The following CCDC148 variants were observed in gnomAD, a reference collection of about 807,000 sequenced individuals.
CCDC148 encodes the protein coiled-coil domain-containing protein 148.
A neutral mutation model predicts 85.7 loss-of-function variants in CCDC148; 89 were observed. That is an observed-to-expected ratio of 1.04 (90% CI 0.87 to 1.24). The LOEUF (loss-of-function observed/expected upper bound fraction) is 1.24. CCDC148 is among the 50% of genes most tolerant of loss of function. The pLI is 0.00. For missense variants in CCDC148, 692 were observed against 671.7 expected, an observed-to-expected ratio of 1.03 and a Z score of -0.33; for synonymous variants, 230 against 213.9, an observed-to-expected ratio of 1.08 and a Z score of -0.66.
At chr2:158,434,308 C>G (rs1687528662) in intron 1 of CCDC148, among the ~76,000 whole-genome samples, 1 of 152,164 alleles carries the variant, frequency 6.6e-6, no homozygotes, top group African/African-American at 2.4e-5. Flanking sequence ...ATTTGTCATT[C>G]TGCAATATAT....
chr2:158,325,225 C>A (rs1190686240), intron 7 of CCDC148, among the ~76,000 whole-genome samples: 1 of 152,150 alleles, frequency 6.6e-6, no homozygotes, highest in Non-Finnish European at 1.5e-5. Flanking sequence ...TCTATTCCAT[C>A]AGGCATTTGC....
At chr2:158,373,648 T>C (rs1684540327) in intron 1 of CCDC148, among the ~76,000 whole-genome samples, 1 of 152,054 alleles carries the variant, frequency 6.6e-6, no homozygotes, top group South Asian at 2.1e-4. Context: ...TATGAGCTTA[T>C]TACAATGTTT....
At chr2:158,251,366 G>GA (rs1023836744) in intron 9 of CCDC148, among the ~76,000 whole-genome samples, 6 of 151,800 alleles carry the variant, frequency 4.0e-5, no homozygotes, top group African/African-American at 1.4e-4. Context: ...GAATTAAGAT[G>GA]AAAAATAATT....
Position 158,313,625 on chromosome 2 carries a change from C to A in CCDC148, c.903+131G>T, listed in dbSNP as rs1348522664. ...ACAGGCTTTCAAACTATTATATAAC[C>A]CTATTATTTTCTAGAGGGTAGGAAA... On this transcript the variant is annotated intron_variant, in intron 8 of 13. Transcript: ENST00000283233. 4 of 933,958 alleles carry A rather than the reference C, an allele frequency of 4.3e-6. No individual in the cohort carries two copies. In the East Asian group the frequency reaches 8.6e-5, roughly 20 times the overall value. 57.9% of individuals were successfully genotyped at this position (933,958 alleles called of 1,614,324 possible).
intron 1 of CCDC148, among the ~76,000 whole-genome samples, chr2:158,405,989 G>A (rs1055070000): frequency 6.6e-6 from 1 of 152,124 alleles, no homozygotes; most frequent in Admixed American, 6.6e-5. Flanking sequence ...AGTAGTTTCT[G>A]GATGGAAGAG....
At chr2:158,446,168 T>C (rs543469892) in intron 1 of CCDC148, among the ~76,000 whole-genome samples, 1 of 152,168 alleles carries the variant, frequency 6.6e-6, no homozygotes, top group South Asian at 2.1e-4. Flanking sequence ...GGCAACATAG[T>C]GAGACCCCAT....
At chr2:158,370,510 G>T (rs2105279105) in intron 1 of CCDC148, among the ~76,000 whole-genome samples, 1 of 152,034 alleles carries the variant, frequency 6.6e-6, no homozygotes, top group East Asian at 1.9e-4. Context: ...ATTTTCATAT[G>T]AAAGATCCCA....
At chr2:158,431,889 A>G (rs1687370255) in intron 1 of CCDC148, among the ~76,000 whole-genome samples, 1 of 152,112 alleles carries the variant, frequency 6.6e-6, no homozygotes, top group African/African-American at 2.4e-5. Context: ...ATGAGTCAAG[A>G]TTGTGCCACT....
intron 3 of CCDC148, 138 bp downstream of exon 3, chr2:158,345,072 TTTTAA>T (rs1682924703): frequency 1.8e-6 from 1 of 552,664 alleles, no homozygotes; most frequent in Admixed American, 3.5e-5. Context: ...AATGAAAGGA[TTTTAA>T]TTTGACTCAC....
At chr2:158,283,496 A>G (rs1690446284) in intron 9 of CCDC148, among the ~76,000 whole-genome samples, 1 of 152,270 alleles carries the variant, frequency 6.6e-6, no homozygotes, top group African/African-American at 2.4e-5. Flanking sequence ...AAAAGAAGAC[A>G]TTTATGCAGC....
At chr2:158,437,961 A>C (rs1370922035) in intron 1 of CCDC148, among the ~76,000 whole-genome samples, 2 of 152,210 alleles carry the variant, frequency 1.3e-5, no homozygotes, top group African/African-American at 2.4e-5. Flanking sequence ...ACCACTGCTC[A>C]ATGAAATAAA....
chr2:158,376,410 G>A (rs1684652088), intron 1 of CCDC148, among the ~76,000 whole-genome samples: 1 of 152,004 alleles, frequency 6.6e-6, no homozygotes, highest in Non-Finnish European at 1.5e-5. Flanking sequence ...TATGCAAGGA[G>A]TAATTTTCCT....
chr2:158,325,741 T>C (rs1343272741), intron 7 of CCDC148, among the ~76,000 whole-genome samples: 1 of 152,196 alleles, frequency 6.6e-6, no homozygotes, highest in Non-Finnish European at 1.5e-5. Context: ...TCTAAGTTGA[T>C]GGCAACTCCA....
chr2:158,346,835 T>C (rs190803813), intron 2 of CCDC148, among the ~76,000 whole-genome samples: 9 of 152,236 alleles, frequency 5.9e-5, no homozygotes, highest in African/African-American at 1.7e-4. Context: ...CGTCATTCAC[T>C]GATTGCTTTA....
intron 10 of CCDC148, among the ~76,000 whole-genome samples, chr2:158,248,013 T>A (rs1218694756): frequency 1.3e-5 from 2 of 152,140 alleles, no homozygotes. Flanking sequence ...CAACCCATCA[T>A]CTAGGTTTTA....
chr2:158,279,414 T>C (rs1270595022), intron 9 of CCDC148, among the ~76,000 whole-genome samples: 2 of 152,124 alleles, frequency 1.3e-5, no homozygotes, highest in South Asian at 2.1e-4. Context: ...GAATAACTAA[T>C]ACAGAGAAGT....
At chr2:158,226,849 A>C (rs1203711101) in intron 10 of CCDC148, among the ~76,000 whole-genome samples, 1 of 152,166 alleles carries the variant, frequency 6.6e-6, no homozygotes, top group East Asian at 1.9e-4. Context: ...AGTCAATATC[A>C]TACTGAATGG....
intron 7 of CCDC148, among the ~76,000 whole-genome samples, chr2:158,326,981 A>G (rs1692809136): frequency 6.6e-6 from 1 of 152,164 alleles, no homozygotes; most frequent in Admixed American, 6.5e-5. Flanking sequence ...GTTCCATGTC[A>G]GTTAATATAA....
intron 1 of CCDC148, among the ~76,000 whole-genome samples, chr2:158,371,757 C>A (rs1406480129): frequency 6.6e-6 from 1 of 151,576 alleles, no homozygotes; most frequent in Non-Finnish European, 1.5e-5. Flanking sequence ...CTACAAGAAT[C>A]AAAGACAGAA....
Sources: gnomAD v4.1 joint callset for allele counts (sites outside exome capture counted in the v4.1 genomes callset) on GRCh38, gnomAD v4.1.1 for gene constraint, MANE v1.5 for transcripts, NCBI Gene and HGNC (gene_info 2026-07-23, HGNC 2026-07-21) for gene names.